The following CYP39A1 variants were observed in gnomAD, a reference collection of about 807,000 sequenced individuals.
CYP39A1 encodes the protein cytochrome P450 family 39 subfamily A member 1.
In CYP39A1, 49 loss-of-function variants were observed where a neutral mutation model predicts 58.1. The ratio of observed to expected loss-of-function variants is 0.84; its 90% CI spans 0.67 to 1.07. The LOEUF is 1.07. Among genes scored for constraint, CYP39A1 ranks in the 50% least tolerant of loss-of-function variants. CYP39A1 has a pLI of 0.00. For missense variants in CYP39A1, 531 were observed against 539.4 expected (o/e 0.98, Z 0.16); for synonymous variants, 209 against 187.6 (o/e 1.11, Z -0.93).
intron 7 of CYP39A1, among the ~76,000 whole-genome samples, chr6:46,611,360 C>T (rs768204309): frequency 2.0e-4 from 30 of 152,116 alleles, no homozygotes; most frequent in South Asian, 4.1e-4. Flanking sequence ...CAATGGAGTG[C>T]GAAAGATATG....
rs148030931 is a variant in CYP39A1 at position 46,613,113 on chromosome 6, T to C, written c.931+12305A>G. Among the ~76,000 whole-genome samples, 305 of 152,348 alleles carry C rather than the reference T, an allele frequency of 2.0e-3. 2 individuals carry two copies. The highest frequency in any genetic ancestry group is 7.2e-3 in the African/African-American group (299 of 41,574). On this transcript the variant is annotated intron_variant, in intron 7 of 11. Transcript: ENST00000275016. The stretch of plus-strand genomic sequence containing the variant: ...ACTAATTAAAATAAAGCAGACAATA[T>C]GGAGTTTACCTAGAATATCACTTTT...
At position 46,587,090 on chromosome 6, in the gene CYP39A1, G is replaced by C; in HGVS notation, c.1237C>G (p.Gln413Glu). 1 of 1,611,212 alleles carries C rather than the reference G, an allele frequency of 6.2e-7. No homozygotes were observed. Among genetic ancestry groups the C allele is most frequent in the Middle Eastern group, 1.7e-4 (1 of 6,056 alleles). Residue 413 changes from glutamine (Q) to glutamate (E), a missense_variant, in exon 10 of 12, where the codon CAG becomes GAG. Coordinates refer to ENST00000275016, the MANE Select transcript of CYP39A1 (RefSeq NM_016593.5). ...CFMAFGSGKF[Q>E]CPARWFALLE... ...TGTCTCACTGACCTTGCAGGACACTGGAACTTCCCGCTTCCAAATGCCATG... is the reference window on the plus strand; with the variant it reads ...TGTCTCACTGACCTTGCAGGACACTCGAACTTCCCGCTTCCAAATGCCATG...
intron 7 of CYP39A1, among the ~76,000 whole-genome samples, chr6:46,601,302 C>G (rs187033315): frequency 1.9e-4 from 29 of 152,286 alleles, no homozygotes; most frequent in African/African-American, 5.1e-4. Flanking sequence ...TCACCTGGTC[C>G]AGGGTGACAG....
At chr6:46,647,332 A>G (rs1351106244) in intron 1 of CYP39A1, among the ~76,000 whole-genome samples, 2 of 152,200 alleles carry the variant, frequency 1.3e-5, no homozygotes, top group Non-Finnish European at 2.9e-5. Context: ...CTTTAATAAT[A>G]TAAGAGAAAG....
chr6:46,630,529 T>C (rs1775596481), intron 6 of CYP39A1, among the ~76,000 whole-genome samples: 1 of 152,114 alleles, frequency 6.6e-6, no homozygotes, highest in African/African-American at 2.4e-5. Context: ...CAACTACAAA[T>C]TGGGATGTCT....
At chr6:46,652,255 A>T in intron 1 of CYP39A1, 151 bp downstream of exon 1, 1 of 742,700 alleles carries the variant, frequency 1.3e-6, no homozygotes, top group Non-Finnish European at 2.1e-6. Context: ...GTTAATTGTT[A>T]GTAGAGGAAT....
chr6:46,584,195 A>G (rs944792177), intron 10 of CYP39A1, among the ~76,000 whole-genome samples: 2 of 152,214 alleles, frequency 1.3e-5, no homozygotes, highest in Non-Finnish European at 2.9e-5. Flanking sequence ...AAGTAATAAG[A>G]CAAAATTAAG....
intron 7 of CYP39A1, among the ~76,000 whole-genome samples, chr6:46,604,783 G>C (rs1286281462): frequency 6.6e-6 from 1 of 152,016 alleles, no homozygotes; most frequent in Non-Finnish European, 1.5e-5. Context: ...ATTTTAAATA[G>C]ACTAAGAACA....
intron 8 of CYP39A1, 23 bp from the exon 9 acceptor site, chr6:46,588,152 A>G: frequency 6.9e-7 from 1 of 1,459,624 alleles, no homozygotes; most frequent in Non-Finnish European, 9.4e-7. Flanking sequence ...AATCAGCTGC[A>G]AATCATTTTT....
intron 8 of CYP39A1, among the ~76,000 whole-genome samples, chr6:46,590,181 C>G (rs1370328770): frequency 1.3e-5 from 2 of 152,150 alleles, no homozygotes; most frequent in Non-Finnish European, 2.9e-5. Flanking sequence ...GGAGGCAAAA[C>G]AGTTGCAGAA....
chr6:46,625,772 A>G (rs1775277220), intron 6 of CYP39A1, among the ~76,000 whole-genome samples: 1 of 152,040 alleles, frequency 6.6e-6, no homozygotes, highest in Non-Finnish European at 1.5e-5. Context: ...ATCTATCTTC[A>G]CTAAAAATGA....
At chr6:46,596,690 G>A (rs556239581) in intron 7 of CYP39A1, among the ~76,000 whole-genome samples, 2 of 151,896 alleles carry the variant, frequency 1.3e-5, no homozygotes, top group East Asian at 1.9e-4. Context: ...CTTTCTTAAC[G>A]TGATGTGCAT....
chr6:46,625,006 C>T (rs1407278156), intron 7 of CYP39A1, among the ~76,000 whole-genome samples: 2 of 152,118 alleles, frequency 1.3e-5, no homozygotes, highest in Non-Finnish European at 1.5e-5. Context: ...CTGACCTCTA[C>T]AGTCCTATTA....
At chr6:46,606,668 T>G (rs1773863538) in intron 7 of CYP39A1, among the ~76,000 whole-genome samples, 1 of 152,304 alleles carries the variant, frequency 6.6e-6, no homozygotes, top group South Asian at 2.1e-4. Flanking sequence ...AAGGCAAACC[T>G]TAGGATGTTG....
chr6:46,589,400 C>A (rs1443824615), intron 8 of CYP39A1, among the ~76,000 whole-genome samples: 1 of 152,066 alleles, frequency 6.6e-6, no homozygotes, highest in East Asian at 1.9e-4. Flanking sequence ...GTACAGTGAG[C>A]TATGATTGTG....
chr6:46,595,748 GTCT>G (rs1020744574), intron 8 of CYP39A1, among the ~76,000 whole-genome samples: 4 of 151,940 alleles, frequency 2.6e-5, no homozygotes, highest in Non-Finnish European at 4.4e-5. Context: ...TAGATTTTTA[GTCT>G]TCTTACACAG....
chr6:46,619,776 G>T (rs1774842311), intron 7 of CYP39A1, among the ~76,000 whole-genome samples: 1 of 152,086 alleles, frequency 6.6e-6, no homozygotes, highest in South Asian at 2.1e-4. Context: ...ATAAGTTTCT[G>T]CAAGAACATG....
intron 7 of CYP39A1, among the ~76,000 whole-genome samples, chr6:46,606,746 A>G (rs1352436686): frequency 6.6e-6 from 1 of 152,226 alleles, no homozygotes; most frequent in African/African-American, 2.4e-5. Context: ...AAAACATTAT[A>G]CATAGTTTTA....
intron 7 of CYP39A1, among the ~76,000 whole-genome samples, chr6:46,606,722 CAA>C (rs1021733976): frequency 5.8e-4 from 88 of 151,922 alleles, no homozygotes; most frequent in African/African-American, 2.1e-3. Flanking sequence ...TCAGAAATAG[CAA>C]AAAAAGTTTA....
Sources: gnomAD v4.1 joint callset for allele counts (sites outside exome capture counted in the v4.1 genomes callset) on GRCh38, gnomAD v4.1.1 for gene constraint, MANE v1.5 for transcripts, NCBI Gene and HGNC (gene_info 2026-07-23, HGNC 2026-07-21) for gene names.